LRBA: variants seen among roughly 807,000 people sequenced by gnomAD.
The protein encoded by LRBA is LPS responsive beige-like anchor protein.
A neutral mutation model predicts 330.0 loss-of-function variants in LRBA; 176 were observed. That is an observed-to-expected ratio of 0.53 (90% confidence interval 0.47 to 0.60). The LOEUF (loss-of-function observed/expected upper bound fraction) is 0.60, where lower values mean the gene tolerates loss of function less well. Among genes scored for constraint, LRBA ranks in the 20% least tolerant of loss-of-function variants. The pLI is 0.00. For missense variants in LRBA, 3,259 were observed against 3,444.8 expected (o/e 0.95, Z 1.35); for synonymous variants, 1,230 against 1,193.0 (o/e 1.03, Z -0.64).
intron 35 of LRBA, among the ~76,000 whole-genome samples, chr4:150,744,040 A>AT (rs1396215547): frequency 6.6e-6 from 1 of 152,100 alleles, no homozygotes; most frequent in Non-Finnish European, 1.5e-5. Context: ...CTTATCTATG[A>AT]TTTTGGGGTG....
At chr4:150,741,426 T>C (rs1273582520) in intron 35 of LRBA, among the ~76,000 whole-genome samples, 1 of 152,086 alleles carries the variant, frequency 6.6e-6, no homozygotes, top group East Asian at 1.9e-4. Context: ...TTACTAGTCA[T>C]CAAGGAAATA....
At chr4:150,709,769 T>G (rs541607857) in intron 36 of LRBA, among the ~76,000 whole-genome samples, 3 of 151,986 alleles carry the variant, frequency 2.0e-5, no homozygotes, top group Non-Finnish European at 4.4e-5. Context: ...TTAAGTGCTA[T>G]GAGATATTAT....
chr4:150,970,325 C>T (rs1739387918), intron 2 of LRBA, among the ~76,000 whole-genome samples: 1 of 151,708 alleles, frequency 6.6e-6, no homozygotes, highest in Non-Finnish European at 1.5e-5. Context: ...CTTAGGGAGA[C>T]CCCATCTCTA....
intron 46 of LRBA, among the ~76,000 whole-genome samples, chr4:150,429,644 A>C (rs1346326568): frequency 6.6e-6 from 1 of 152,112 alleles, no homozygotes. Flanking sequence ...CACAGGCTAG[A>C]GACATAAATG....
chr4:150,836,906 T>G (rs1448627015), intron 28 of LRBA, among the ~76,000 whole-genome samples: 1 of 152,232 alleles, frequency 6.6e-6, no homozygotes, highest in Non-Finnish European at 1.5e-5. Context: ...ATTTTAGATC[T>G]TTCCTGCTTT....
intron 43 of LRBA, among the ~76,000 whole-genome samples, chr4:150,471,032 A>G (rs938577232): frequency 1.3e-5 from 2 of 152,096 alleles, no homozygotes; most frequent in Admixed American, 6.6e-5. Context: ...ACTGACGCTA[A>G]CTCTTCAAAC....
At chr4:150,429,186 C>T (rs1055315032) in intron 46 of LRBA, among the ~76,000 whole-genome samples, 7 of 151,544 alleles carry the variant, frequency 4.6e-5, no homozygotes, top group Non-Finnish European at 8.8e-5. Flanking sequence ...GTGATGGGGG[C>T]AATTTTAAAT....
At position 150,315,208 on chromosome 4, in the gene LRBA, A is replaced by G. The variant is rs1454887159; in HGVS notation, c.7693+353T>C. The G allele has an allele frequency of 2.2e-5, 7 of 324,550 alleles. No individual in the cohort carries two copies. In the East Asian group the frequency reaches 4.0e-4, roughly 19 times the overall value. 20.1% of individuals were successfully genotyped at this position (324,550 alleles called of 1,614,324 possible). ...AGGAGCTCCATCACATTACCGGTGCACCAATTCATCATAACGTGCCTTGCT... is the reference window on the plus strand; with the variant it reads ...AGGAGCTCCATCACATTACCGGTGCGCCAATTCATCATAACGTGCCTTGCT... On this transcript the variant is annotated intron_variant, in intron 51 of 56. Transcript: ENST00000651943.
chr4:150,321,156 G>A lies in LRBA; in HGVS notation c.7630+35C>T. On this transcript the variant is annotated intron_variant, in intron 50 of 56. Coordinates refer to ENST00000651943, the MANE Select transcript of LRBA (RefSeq NM_001364905.1). This position sits in a 1 kb window ranked among gnomAD's most constrained non-coding sequence, Gnocchi z 4.5. Reference sequence around the variant, plus strand: ...AGTGGGTATTACACAGTGTTCAGCAGTTACCATGCCTTATAATGGTATTTC... The same window carrying A: ...AGTGGGTATTACACAGTGTTCAGCAATTACCATGCCTTATAATGGTATTTC... The A allele has an allele frequency of 2.6e-6, 4 of 1,566,490 alleles. No individual in the cohort carries two copies. The highest frequency in any genetic ancestry group is 3.5e-6 in the Non-Finnish European group (4 of 1,146,158).
At chr4:150,972,256 T>G (rs1286948822) in intron 2 of LRBA, among the ~76,000 whole-genome samples, 1 of 152,164 alleles carries the variant, frequency 6.6e-6, no homozygotes, top group African/African-American at 2.4e-5. Context: ...CAAACAGATA[T>G]ACTATTTAAG....
chr4:150,814,273 G>A (rs895207882), intron 31 of LRBA, among the ~76,000 whole-genome samples: 1 of 152,124 alleles, frequency 6.6e-6, no homozygotes, highest in Admixed American at 6.6e-5. Context: ...ATACTGACAA[G>A]GGAAAGAGAA....
chr4:150,471,593 T>G, intron 43 of LRBA, 31 bp downstream of exon 43: 1 of 1,205,648 alleles, frequency 8.3e-7, no homozygotes, highest in Non-Finnish European at 1.2e-6. Flanking sequence ...ATTTATTGTC[T>G]AAAATAAATC....
At chr4:150,309,551 T>C (rs1730788713) in intron 52 of LRBA, among the ~76,000 whole-genome samples, 1 of 152,202 alleles carries the variant, frequency 6.6e-6, no homozygotes, top group Admixed American at 6.5e-5. Context: ...AGGGACACCA[T>C]TAAATTTCTC....
intron 34 of LRBA, among the ~76,000 whole-genome samples, chr4:150,766,219 C>T (rs1002353622): frequency 1.3e-5 from 2 of 151,760 alleles, no homozygotes; most frequent in Non-Finnish European, 2.9e-5. Flanking sequence ...AAATACAAAC[C>T]TTATACTTTT....
At chr4:150,920,126 C>T (rs910784755) in intron 5 of LRBA, among the ~76,000 whole-genome samples, 1 of 152,134 alleles carries the variant, frequency 6.6e-6, no homozygotes, top group African/African-American at 2.4e-5. Context: ...CATATTAAAA[C>T]ATATTCTTAT....
chr4:150,471,607 AC>A lies in LRBA; in HGVS notation c.6667+16del. On this transcript the variant is annotated intron_variant, in intron 43 of 56. Coordinates refer to ENST00000651943, the MANE Select transcript of LRBA (RefSeq NM_001364905.1). ...AATTTATTGTCTAAAATAAATCAAT[AC>A]ATGGAATTAGGTTACCTGCTATCGT... 1 of 1,293,040 alleles carries A rather than the reference AC, an allele frequency of 7.7e-7. No individual in the cohort carries two copies. Among genetic ancestry groups the A allele is most frequent in the South Asian group, 1.3e-5 (1 of 78,104 alleles). 80.1% of individuals were successfully genotyped at this position (1,293,040 alleles called of 1,614,324 possible). A position where few individuals can be genotyped will look rare whatever the true frequency, so the allele number is the denominator to read the frequency against.
At chr4:150,726,479 G>C (rs761683167) in intron 36 of LRBA, among the ~76,000 whole-genome samples, 4 of 152,248 alleles carry the variant, frequency 2.6e-5, no homozygotes, top group African/African-American at 9.6e-5. Flanking sequence ...GTATTAGTCC[G>C]TTTTCACACT....
At chr4:150,690,927 CTTTTTTT>C (rs70941427) in intron 36 of LRBA, among the ~76,000 whole-genome samples, 1 of 106,328 alleles carries the variant, frequency 9.4e-6, no homozygotes, top group African/African-American at 3.2e-5. Flanking sequence ...AACACCTGGT[CTTTTTTT>C]TTTTTTTTTT....
At chr4:150,458,321 T>C (rs1256365790) in intron 44 of LRBA, among the ~76,000 whole-genome samples, 1 of 151,940 alleles carries the variant, frequency 6.6e-6, no homozygotes. Flanking sequence ...TAAATATATA[T>C]GCTTCCACTT....
Sources: allele counts gnomAD v4.1 joint callset (sites outside exome capture counted in the v4.1 genomes callset), GRCh38; gene constraint gnomAD v4.1.1; non-coding constraint Gnocchi (gnomAD v3.1); transcripts MANE v1.5; gene names NCBI Gene and HGNC (gene_info 2026-07-23, HGNC 2026-07-21).